The following SAMD4A variants were observed in gnomAD, a reference collection of about 807,000 sequenced individuals.
SAMD4A encodes the protein sterile alpha motif domain containing 4A, also known as protein Smaug homolog 1.
In SAMD4A, 33 loss-of-function variants were observed where a neutral mutation model predicts 81.3. That is an observed-to-expected ratio of 0.41 (90% confidence interval 0.31 to 0.54). SAMD4A has a LOEUF of 0.54. SAMD4A is among the 20% of genes least tolerant of loss of function. The pLI is 0.37. For missense variants in SAMD4A, 854 were observed against 951.1 expected (o/e 0.90, Z 1.34); for synonymous variants, 389 against 382.1 (o/e 1.02, Z -0.21).
chr14:54,788,862 C>A, intron 12 of SAMD4A, 54 bp from the exon 13 acceptor site: 1 of 1,612,412 alleles, frequency 6.2e-7, no homozygotes, highest in Non-Finnish European at 8.5e-7. Context: ...TAGGTGGGCA[C>A]GAACTGGATT....
intron 2 of SAMD4A, among the ~76,000 whole-genome samples, chr14:54,635,265 A>G (rs774601727): frequency 2.0e-4 from 31 of 151,538 alleles, no homozygotes; most frequent in Non-Finnish European, 2.8e-4. Context: ...TCTACTAAAA[A>G]TACAAAAAAA....
At chr14:54,607,563 C>G (rs1305283260) in intron 2 of SAMD4A, among the ~76,000 whole-genome samples, 2 of 151,196 alleles carry the variant, frequency 1.3e-5, no homozygotes, top group Non-Finnish European at 2.9e-5. Flanking sequence ...TCATGCCATT[C>G]TCCTGCCTCA....
At chr14:54,732,135 T>G (rs2037572932) in intron 3 of SAMD4A, among the ~76,000 whole-genome samples, 1 of 152,040 alleles carries the variant, frequency 6.6e-6, no homozygotes, top group African/African-American at 2.4e-5. Context: ...AGACCAAGAG[T>G]ACACATGAAC....
At chr14:54,655,534 C>T (rs1016544477) in intron 2 of SAMD4A, among the ~76,000 whole-genome samples, 2 of 151,658 alleles carry the variant, frequency 1.3e-5, no homozygotes, top group Admixed American at 6.6e-5. Context: ...GAGTTCGAGA[C>T]CAGCCCGACC....
At chr14:54,680,283 A>G (rs1389396062) in intron 2 of SAMD4A, among the ~76,000 whole-genome samples, 1 of 152,274 alleles carries the variant, frequency 6.6e-6, no homozygotes, top group Admixed American at 6.5e-5. Flanking sequence ...TGCTCAGAAA[A>G]TAAAAATTAT....
intron 2 of SAMD4A, among the ~76,000 whole-genome samples, chr14:54,600,548 C>T (rs8016776): frequency 0.26 from 39,740 of 152,078 alleles, 5,407 homozygotes; most frequent in Admixed American, 0.34. Flanking sequence ...ACCAGATAAC[C>T]TTTGCCCTCA....
At chr14:54,786,770 T>C (rs2039152095) in intron 12 of SAMD4A, among the ~76,000 whole-genome samples, 1 of 152,258 alleles carries the variant, frequency 6.6e-6, no homozygotes, top group South Asian at 2.1e-4. Context: ...ATGCTCTTTA[T>C]TAAAGGAAGG....
In SAMD4A at chr14:54,793,247, G is replaced by A. The variant is rs1219039926; in HGVS notation, c.*4303G>A. The A allele has an allele frequency of 6.6e-6, 1 of 152,052 alleles. No homozygotes were observed. Among genetic ancestry groups the A allele is most frequent in the African/African-American group, 2.4e-5 (1 of 41,394 alleles). 9.4% of individuals were successfully genotyped at this position (152,052 alleles called of 1,614,324 possible). On this transcript the variant is annotated 3_prime_UTR_variant, in exon 13 of 13. Coordinates refer to ENST00000554335, the MANE Select transcript of SAMD4A (RefSeq NM_015589.6). The stretch of plus-strand genomic sequence containing the variant: ...TTCCTCCCATGTAACTAAGAATCAT[G>A]GCTATATTTCATATCAACGTTATAT...
rs6572974 is a variant in SAMD4A, at chr14:54,792,433, G to A, written c.*3489G>A. 3,452 of 152,318 alleles carry A rather than the reference G, an allele frequency of 0.023. 113 individuals are homozygous for A. Among genetic ancestry groups the A allele is most frequent in the African/African-American group, 0.078 (3,250 of 41,538 alleles). The allele number at this position is 152,318 out of a possible 1,614,324, so 9.4% of individuals were successfully genotyped here. On this transcript the variant is annotated 3_prime_UTR_variant, in exon 13 of 13. Transcript: ENST00000554335. The stretch of plus-strand genomic sequence containing the variant: ...GATCTTTTGTTCTTCTGCACCTCTT[G>A]TAGCTACTGCCGGTGCAAGGTTGTA...
At chr14:54,697,764 C>T (rs2036611847) in intron 2 of SAMD4A, among the ~76,000 whole-genome samples, 1 of 152,144 alleles carries the variant, frequency 6.6e-6, no homozygotes, top group Non-Finnish European at 1.5e-5. Flanking sequence ...GAGATTCTGG[C>T]TTAGGATTCC....
chr14:54,694,339 CAT>C (rs2036525052), intron 2 of SAMD4A: 1 of 152,642 alleles, frequency 6.6e-6, no homozygotes, highest in African/African-American at 2.4e-5. Context: ...AGATTCAGCC[CAT>C]AGGATTTATG....
intron 4 of SAMD4A, among the ~76,000 whole-genome samples, chr14:54,743,873 G>GC (rs2037903273): frequency 6.6e-6 from 1 of 152,172 alleles, no homozygotes; most frequent in South Asian, 2.1e-4. Flanking sequence ...TTCTGCTCTG[G>GC]CCAGAAATAA....
At position 54,707,649 on chromosome 14, in the gene SAMD4A, A is replaced by T. The variant is rs140008570; in HGVS notation, c.715+5069A>T. 2.0e-3 allele frequency among the ~76,000 whole-genome samples: 307 copies of T among 152,236 alleles called. 3 individuals carry two copies. Among genetic ancestry groups the T allele is most frequent in the African/African-American group, 6.6e-3 (273 of 41,554 alleles). On this transcript the variant is annotated intron_variant, in intron 3 of 12. Transcript: ENST00000554335. ...AGGGTAGGATCAGGCCTATGTAATG[A>T]GGTGACTAGACCATGAAACAGGGTG...
chr14:54,616,277 C>T (rs2140285466), intron 2 of SAMD4A, among the ~76,000 whole-genome samples: 2 of 152,274 alleles, frequency 1.3e-5, no homozygotes, highest in Middle Eastern at 3.4e-3. Context: ...GGGGGAAATA[C>T]CTTTCTATAA....
chr14:54,771,513 G>T (rs556443257), intron 9 of SAMD4A, among the ~76,000 whole-genome samples: 91 of 152,306 alleles, frequency 6.0e-4, no homozygotes, highest in African/African-American at 2.1e-3. Context: ...TTCAGGACCA[G>T]TTCCCTGGCC....
At chr14:54,742,069 G>A (rs2037857616) in intron 4 of SAMD4A, among the ~76,000 whole-genome samples, 1 of 152,140 alleles carries the variant, frequency 6.6e-6, no homozygotes, top group Non-Finnish European at 1.5e-5. Flanking sequence ...AAGGGACAGA[G>A]GATTCCAGAT....
chr14:54,688,546 C>G (rs900876565), intron 2 of SAMD4A, among the ~76,000 whole-genome samples: 9 of 152,204 alleles, frequency 5.9e-5, no homozygotes, highest in African/African-American at 2.2e-4. Context: ...ATCGTGGCTT[C>G]CCTGTCTATC....
intron 6 of SAMD4A, among the ~76,000 whole-genome samples, chr14:54,756,304 T>C (rs1366997998): frequency 6.6e-6 from 1 of 152,212 alleles, no homozygotes; most frequent in Non-Finnish European, 1.5e-5. Flanking sequence ...AGTTGGTTGC[T>C]AAGGACTTGG....
chr14:54,750,701 G>A (rs1018870509), intron 5 of SAMD4A, among the ~76,000 whole-genome samples: 3 of 152,208 alleles, frequency 2.0e-5, no homozygotes, highest in Non-Finnish European at 4.4e-5. Flanking sequence ...TTCAAGATGG[G>A]TAAAAACACA....
Sources: gnomAD v4.1 joint callset for allele counts (sites outside exome capture counted in the v4.1 genomes callset) on GRCh38, gnomAD v4.1.1 for gene constraint, MANE v1.5 for transcripts, NCBI Gene and HGNC (gene_info 2026-07-23, HGNC 2026-07-21) for gene names.